Variants in XCR1 observed in about 807,000 individuals in gnomAD.
XCR1 encodes chemokine XC receptor 1.
For synonymous variants in XCR1, 187 were observed against 188.5 expected, an observed-to-expected ratio of 0.99 and a Z score of 0.06; for missense variants, 356 against 424.2, an observed-to-expected ratio of 0.84 and a Z score of 1.41.
chr3:46,045,756 A>T (rs999635685), intron 5 of XCR1, among the ~76,000 whole-genome samples: 3 of 152,234 alleles, frequency 2.0e-5, no homozygotes, highest in African/African-American at 7.2e-5. Context: ...GAACTCCTAA[A>T]CACTGTTGAT....
intron 5 of XCR1, among the ~76,000 whole-genome samples, chr3:46,044,525 A>C (rs1190395300): frequency 6.6e-6 from 1 of 152,182 alleles, no homozygotes; most frequent in Non-Finnish European, 1.5e-5. Flanking sequence ...TTGTCAATAA[A>C]ATTGAAAACA....
chr3:46,046,979 T>C (rs1697643087), intron 5 of XCR1, among the ~76,000 whole-genome samples: 2 of 152,236 alleles, frequency 1.3e-5, no homozygotes, highest in African/African-American at 4.8e-5. Context: ...TGAGTGTGAT[T>C]AAAATGACAA....
chr3:46,050,526 T>C (rs982398423), intron 5 of XCR1, among the ~76,000 whole-genome samples: 18 of 152,330 alleles, frequency 1.2e-4, no homozygotes, highest in African/African-American at 4.3e-4. Context: ...GAATAATTTA[T>C]GTAAAATTTG....
At chr3:46,059,686 C>G (rs1697925606) in intron 4 of XCR1, among the ~76,000 whole-genome samples, 1 of 152,200 alleles carries the variant, frequency 6.6e-6, no homozygotes, top group Non-Finnish European at 1.5e-5. Flanking sequence ...CTTTTCACTT[C>G]CACTTGGCTG....
chr3:46,073,603 A>G (rs1698198324), intron 3 of XCR1, among the ~76,000 whole-genome samples: 1 of 152,136 alleles, frequency 6.6e-6, no homozygotes, highest in African/African-American at 2.4e-5. Flanking sequence ...AACAAAAAAC[A>G]AAAACAACAG....
intron 5 of XCR1, among the ~76,000 whole-genome samples, chr3:46,053,736 T>G (rs140092864): frequency 1.3e-5 from 2 of 152,170 alleles, no homozygotes; most frequent in South Asian, 2.1e-4. Context: ...TAACCTCCCA[T>G]AGCATCTTAG....
In XCR1 at chr3:46,053,695, C is replaced by T. The variant is rs191561888; in HGVS notation, c.-32+225G>A. Among the ~76,000 whole-genome samples, 910 of 152,252 alleles carry T rather than the reference C, an allele frequency of 6.0e-3. 4 individuals are homozygous for T. The highest frequency in any genetic ancestry group is 8.6e-3 in the Non-Finnish European group (588 of 68,032). On this transcript the variant is annotated intron_variant, in intron 5 of 5. Transcript: ENST00000683768. ...GTCCCAATTTTCCACATCAAGAGTG[C>T]CTGCCTGTGGAAACCATGGGTTATG... is the stretch of plus-strand genomic sequence containing the variant.
intron 5 of XCR1, among the ~76,000 whole-genome samples, chr3:46,038,935 T>A (rs1312928452): frequency 6.6e-6 from 1 of 152,134 alleles, no homozygotes; most frequent in African/African-American, 2.4e-5. Flanking sequence ...TGGAATTTTT[T>A]TCAAATTAAT....
chr3:46,083,584 A>G (rs17078591), intron 1 of XCR1, among the ~76,000 whole-genome samples: 2,613 of 152,170 alleles, frequency 0.017, 73 homozygotes, highest in African/African-American at 0.06. Flanking sequence ...CCTTTGTTGG[A>G]TGTAACTTCC....
intron 4 of XCR1, among the ~76,000 whole-genome samples, chr3:46,063,698 G>A (rs2125901498): frequency 6.6e-6 from 1 of 152,254 alleles, no homozygotes; most frequent in South Asian, 2.1e-4. Context: ...GCACTGTGGG[G>A]CACACACTGT....
chr3:46,082,732 C>T (rs934457309), intron 1 of XCR1, among the ~76,000 whole-genome samples: 6 of 152,030 alleles, frequency 3.9e-5, no homozygotes, highest in South Asian at 2.1e-4. Flanking sequence ...TTAAGTAATT[C>T]TCCCACCTCG....
At chr3:46,026,328 C>T (rs924878790) in intron 1 of XCR1, among the ~76,000 whole-genome samples, 2 of 152,072 alleles carry the variant, frequency 1.3e-5, no homozygotes, top group Non-Finnish European at 2.9e-5. Context: ...AACTGGCTCC[C>T]TTTTGCTGGT....
At chr3:46,039,420 C>A (rs13094262) in intron 5 of XCR1, among the ~76,000 whole-genome samples, 556 of 134,124 alleles carry the variant, frequency 4.1e-3, no homozygotes, top group South Asian at 7.2e-3. Context: ...ATGTGCAATG[C>A]GTAACCTAAC....
intron 5 of XCR1, among the ~76,000 whole-genome samples, chr3:46,038,034 T>TTTTTG (rs541724778): frequency 0.1 from 14,938 of 149,734 alleles, 2,596 homozygotes; most frequent in African/African-American, 0.35. Flanking sequence ...TTTTTTGTTT[T>TTTTTG]TTTTTTTTTT....
exon 3 of XCR1, among the ~76,000 whole-genome samples, chr3:46,074,669 A>G (rs1189716518): frequency 1.3e-5 from 2 of 152,194 alleles, no homozygotes; most frequent in African/African-American, 4.8e-5. Flanking sequence ...ATGTGGAAGT[A>G]GGTCATCATA....
chr3:46,028,694 A>T (rs546526510), upstream of XCR1, among the ~76,000 whole-genome samples: 1 of 151,614 alleles, frequency 6.6e-6, no homozygotes, highest in Non-Finnish European at 1.5e-5. Context: ...AGCTCAAGAG[A>T]TACTCTCGCC....
intron 3 of XCR1, among the ~76,000 whole-genome samples, chr3:46,070,502 T>G (rs1468237879): frequency 1.3e-5 from 2 of 152,096 alleles, no homozygotes; most frequent in African/African-American, 4.8e-5. Context: ...TGTTATATTC[T>G]TTTGTTGAAT....
intron 4 of XCR1, among the ~76,000 whole-genome samples, chr3:46,066,379 A>G (rs1025878241): frequency 1.3e-5 from 2 of 152,140 alleles, no homozygotes; most frequent in Admixed American, 6.5e-5. Flanking sequence ...TGAGTAGCTG[A>G]GACTACAGGC....
Position 46,020,767 on chromosome 3 carries a change from C to G in XCR1, c.*179G>C. ...ATTCCCAGGTAGGAAGCCACTTTCC[C>G]GCAGATGAGAGGCTGGCGGGACCCA... On this transcript the variant is annotated 3_prime_UTR_variant, in exon 2 of 2. Coordinates refer to ENST00000309285, the MANE Select transcript of XCR1 (RefSeq NM_001024644.2). 4 of 865,746 alleles carry G rather than the reference C, an allele frequency of 4.6e-6. No individual in the cohort carries two copies. Among genetic ancestry groups the G allele is most frequent in the Non-Finnish European group, 6.8e-6 (4 of 589,740 alleles). The allele number at this position is 865,746 out of a possible 1,614,324, so 53.6% of individuals were successfully genotyped here. A position where few individuals can be genotyped will look rare whatever the true frequency, so the allele number is the denominator to read the frequency against.
Sources: allele counts gnomAD v4.1 joint callset (sites outside exome capture counted in the v4.1 genomes callset), GRCh38; gene constraint gnomAD v4.1.1; transcripts MANE v1.5; gene names NCBI Gene and HGNC (gene_info 2026-07-23, HGNC 2026-07-21).